The following CLCN4 variants were observed in gnomAD, a reference collection of about 807,000 sequenced individuals.
The protein encoded by CLCN4 is Cl-/H+ antiporter 4.
CLCN4 carries 1 observed loss-of-function variant against 41.7 expected under a neutral mutation model. The ratio of observed to expected loss-of-function variants is 0.02; its 90% CI spans 0.01 to 0.11. The LOEUF (loss-of-function observed/expected upper bound fraction) is 0.11. Ranked by LOEUF, CLCN4 falls within the 10% of genes least tolerant of loss-of-function variation. The pLI is 1.00. For synonymous variants in CLCN4, 277 were observed against 285.8 expected, an observed-to-expected ratio of 0.97 and a Z score of 0.31; for missense variants, 287 against 661.0, an observed-to-expected ratio of 0.43 and a Z score of 6.20.
At chrX:10,183,232 A>G (rs5934802) in intron 2 of CLCN4, among the ~76,000 whole-genome samples, 37,975 of 111,011 alleles carry the variant, frequency 0.34, 5,061 homozygotes, top group African/African-American at 0.48. Context: ...AGGGGGTATT[A>G]TTTTCAACTT....
intron 2 of CLCN4, among the ~76,000 whole-genome samples, chrX:10,173,285 C>G (rs963640998): frequency 1.8e-5 from 2 of 111,466 alleles, no homozygotes; most frequent in South Asian, 7.6e-4. Context: ...TAATAAGACC[C>G]TAAGGGATGC....
chrX:10,157,700 ACT>A (rs1488105941), intron 1 of CLCN4, among the ~76,000 whole-genome samples: 1 of 112,813 alleles, frequency 8.9e-6, no homozygotes, highest in Non-Finnish European at 1.9e-5. Context: ...TAGTAAAATG[ACT>A]CACTTCTTCA....
At position 10,193,984 on chromosome X, in the gene CLCN4, T is replaced by C. The variant is rs1374105312; in HGVS notation, c.245-927T>C. ...GGGTTTTTTTTTTTTAATGTTTAAA[T>C]GCTGATGGCAAGGAGAGGAAGAGGT... On this transcript the variant is annotated intron_variant, in intron 4 of 12. Transcript: ENST00000380833. Among the ~76,000 whole-genome samples, 38 of 106,706 alleles carry C rather than the reference T, an allele frequency of 3.6e-4. 2 individuals are homozygous for C. The allele number at this position is 106,706 out of a possible 115,157, so 92.7% of individuals were successfully genotyped here.
chrX:10,158,480 C>G lies in CLCN4; in HGVS notation c.-83C>G, dbSNP rs1923010580. On this transcript the variant is annotated 5_prime_UTR_variant, in exon 2 of 13. Coordinates refer to ENST00000380833, the MANE Select transcript of CLCN4 (RefSeq NM_001830.4). The stretch of plus-strand genomic sequence containing the variant: ...CTGGTGATGTCACGGCGCTCGCAGC[C>G]GTCGCGCTGAAGAAAGGATGCTCGA... 3 of 297,779 alleles carry G rather than the reference C, an allele frequency of 1.0e-5. No homozygotes were observed. Among genetic ancestry groups the G allele is most frequent in the Non-Finnish European group, 1.8e-5 (3 of 170,125 alleles). The allele number at this position is 297,779 out of a possible 1,213,427, so 24.5% of individuals were successfully genotyped here.
chrX:10,220,992 T>C (rs1051183238), intron 12 of CLCN4, 115 bp downstream of exon 12: 4 of 611,681 alleles, frequency 6.5e-6, no homozygotes, highest in Non-Finnish European at 1.1e-5. Context: ...TGACAGAGAA[T>C]GGCAGTAAGC....
intron 11 of CLCN4, 41 bp from the exon 12 acceptor site, chrX:10,220,620 G>A (rs1924833404): frequency 9.3e-7 from 1 of 1,073,083 alleles, no homozygotes; most frequent in South Asian, 1.9e-5. Flanking sequence ...CTCAGCAAGG[G>A]GTTTTTGTGT....
intron 9 of CLCN4, among the ~76,000 whole-genome samples, chrX:10,211,386 A>G (rs1169887321): frequency 9.0e-6 from 1 of 111,140 alleles, no homozygotes. Context: ...AGGCCTTATT[A>G]AACAGCTGGC....
At chrX:10,171,948 C>T (rs968656632) in intron 2 of CLCN4, among the ~76,000 whole-genome samples, 4 of 111,572 alleles carry the variant, frequency 3.6e-5, no homozygotes, top group Non-Finnish European at 7.5e-5. Context: ...TTCCAGACTC[C>T]CAGAGAGAAA....
At chrX:10,189,300 A>G (rs1187066807) in intron 4 of CLCN4, among the ~76,000 whole-genome samples, 2 of 112,372 alleles carry the variant, frequency 1.8e-5, no homozygotes, top group African/African-American at 6.5e-5. Context: ...TAGGAGCCCA[A>G]CTGGGCTGAC....
intron 10 of CLCN4, 83 bp downstream of exon 10, chrX:10,212,736 A>G: frequency 1.1e-6 from 1 of 918,829 alleles, no homozygotes; most frequent in Non-Finnish European, 1.5e-6. Context: ...CATGGACTTG[A>G]ACATTTTCTT....
Position 10,235,474 on chromosome X carries a change from A to G in CLCN4, c.*1890A>G, listed in dbSNP as rs1034501671. On this transcript the variant is annotated 3_prime_UTR_variant, in exon 13 of 13. Transcript: ENST00000380833. ...GGGGAAGTTTGCTGTATTGGATGCC[A>G]TCATCGTGTCCTTGTCATTGCCCTT... The G allele has an allele frequency of 1.8e-5, 2 of 111,851 alleles. No homozygotes were observed. The highest frequency in any genetic ancestry group is 3.8e-5 in the Non-Finnish European group (2 of 53,186). The allele number at this position is 111,851 out of a possible 1,213,427, so 9.2% of individuals were successfully genotyped here.
intron 3 of CLCN4, among the ~76,000 whole-genome samples, chrX:10,186,016 G>A (rs1027863110): frequency 1.8e-5 from 2 of 111,408 alleles, no homozygotes; most frequent in African/African-American, 6.5e-5. Context: ...GGTATTTTGA[G>A]GCGCCACGGA....
chrX:10,217,658 A>G (rs1602163071), intron 11 of CLCN4, among the ~76,000 whole-genome samples: 1 of 111,208 alleles, frequency 9.0e-6, no homozygotes, highest in Non-Finnish European at 1.9e-5. Context: ...ATTATTTACC[A>G]TCTCTACATC....
rs764804263 is a variant in CLCN4 at position 10,187,576 on chromosome X, C to T, written c.206C>T (p.Ser69Leu). 8.3e-7 allele frequency: 1 copy of T among 1,210,946 alleles called. No homozygotes were observed. The highest frequency in any genetic ancestry group is 1.1e-6 in the Non-Finnish European group (1 of 894,860). The change falls in exon 4 of 13, where the codon TCG becomes TTG. Residue 69 changes from serine to leucine, a missense_variant. Transcript: ENST00000380833. The stretch of plus-strand genomic sequence containing the variant: ...ATCAAGAGCCTGCTGGATGCCTGGT[C>T]GGGATGGGTGGTGATGCTGCTCATC... Reference protein sequence around the residue: ...EFIKSLLDAWSGWVVMLLIGL... With the variant: ...EFIKSLLDAWLGWVVMLLIGL...
Position 10,212,673 on chromosome X carries a change from A to G in CLCN4, c.1576+20A>G. The G allele has an allele frequency of 1.1e-6, 1 of 921,028 alleles. No homozygotes were observed. Among genetic ancestry groups the G allele is most frequent in the Non-Finnish European group, 1.5e-6 (1 of 664,628 alleles). The allele number at this position is 921,028 out of a possible 1,213,427, so 75.9% of individuals were successfully genotyped here. ...GCCTCGGTACGACCATGGGTGGGGC[A>G]GGGAGGGGGACCGGGGAACTAATCT... On this transcript the variant is annotated intron_variant, in intron 10 of 12. Transcript: ENST00000380833.
chrX:10,157,041 C>T lies in CLCN4; in HGVS notation c.-334C>T. The T allele has an allele frequency of 3.4e-6, 1 of 297,995 alleles. No homozygotes were observed. Among genetic ancestry groups the T allele is most frequent in the Non-Finnish European group, 5.9e-6 (1 of 170,410 alleles). 24.6% of individuals were successfully genotyped at this position (297,995 alleles called of 1,213,427 possible). A position where few individuals can be genotyped will look rare whatever the true frequency, so the allele number is the denominator to read the frequency against. ...TTTCTGCCTCCATTAGACCCTCAAC[C>T]CAAAGGAGCAGGAGATTTCGGTAGC... On this transcript the variant is annotated 5_prime_UTR_variant, in exon 1 of 13. Transcript: ENST00000380833.
rs61453535 is a variant in CLCN4, at chrX:10,204,613, CTTTTTTT to C, written c.556-1715_556-1709del. 8.5e-3 allele frequency among the ~76,000 whole-genome samples: 231 copies of C among 27,268 alleles called. 2 individuals are homozygous for C. Among genetic ancestry groups the C allele is most frequent in the Middle Eastern group, 0.023 (1 of 44 alleles). 23.7% of individuals were successfully genotyped at this position (27,268 alleles called of 115,157 possible). On this transcript the variant is annotated intron_variant, in intron 6 of 12. Coordinates refer to ENST00000380833, the MANE Select transcript of CLCN4 (RefSeq NM_001830.4). ...CTATTCTCACCAGAAAGCTAGTAGT[CTTTTTTT>C]TTTTTTTTTTTTTTTTTTTTTTTTT...
At chrX:10,172,923 C>T (rs539454889) in intron 2 of CLCN4, among the ~76,000 whole-genome samples, 1 of 111,828 alleles carries the variant, frequency 8.9e-6, no homozygotes, top group African/African-American at 3.2e-5. Flanking sequence ...TGTTGGATTG[C>T]ATTTCTTAAG....
At chrX:10,165,646 C>T (rs1923230552) in intron 2 of CLCN4, among the ~76,000 whole-genome samples, 1 of 112,249 alleles carries the variant, frequency 8.9e-6, no homozygotes, top group African/African-American at 3.2e-5. Flanking sequence ...CTGACTGTGT[C>T]CTCCTATCTC....
Sources: gnomAD v4.1 joint callset for allele counts (sites outside exome capture counted in the v4.1 genomes callset) on GRCh38, gnomAD v4.1.1 for gene constraint, MANE v1.5 for transcripts, NCBI Gene and HGNC (gene_info 2026-07-23, HGNC 2026-07-21) for gene names.